The following GRIP1 variants were observed in gnomAD, a reference collection of about 807,000 sequenced individuals.
GRIP1 encodes the protein glutamate receptor-interacting protein 1.
GRIP1 carries 45 observed loss-of-function variants against 129.9 expected under a neutral mutation model. The ratio of observed to expected loss-of-function variants is 0.35; its 90% CI spans 0.27 to 0.44. The LOEUF is 0.44. GRIP1 is among the 20% of genes least tolerant of loss of function. The pLI is 1.00. For synonymous variants in GRIP1, 530 were observed against 520.8 expected (o/e 1.02, Z -0.24); for missense variants, 1,196 against 1,396.8 (o/e 0.86, Z 2.29).
intron 1 of GRIP1, among the ~76,000 whole-genome samples, chr12:66,950,821 A>T (rs1210759562): frequency 6.6e-6 from 1 of 152,210 alleles, no homozygotes; most frequent in Admixed American, 6.5e-5. Context: ...ATTCATTTCT[A>T]TATATTTGAG....
intron 14 of GRIP1, among the ~76,000 whole-genome samples, chr12:66,424,977 G>A (rs1035215546): frequency 2.6e-5 from 4 of 151,788 alleles, no homozygotes; most frequent in African/African-American, 9.7e-5. Flanking sequence ...TAGATCCCTT[G>A]TATCCTGAAC....
In GRIP1 at chr12:66,856,992, G is replaced by A. The variant is rs1159855124; in HGVS notation, c.58+212058C>T. Among the ~76,000 whole-genome samples the A allele has an allele frequency of 3.3e-5, 5 of 152,212 alleles. No homozygotes were observed. In the East Asian group the frequency reaches 9.7e-4, roughly 29 times the overall value. On this transcript the variant is annotated intron_variant, in intron 1 of 1. Coordinates refer to the GRIP1 transcript ENST00000643019. ...CCAACCCAAATGTCCAACAATGATA[G>A]ACTGGATTAAGAAAATGTGACACAT...
At chr12:66,537,617 A>T (rs1226956691) in intron 4 of GRIP1, among the ~76,000 whole-genome samples, 1 of 152,120 alleles carries the variant, frequency 6.6e-6, no homozygotes, top group Non-Finnish European at 1.5e-5. Flanking sequence ...AAAACATACT[A>T]AATATGCTTT....
chr12:66,839,190 G>A (rs1458786409), intron 1 of GRIP1, among the ~76,000 whole-genome samples: 1 of 152,034 alleles, frequency 6.6e-6, no homozygotes, highest in African/African-American at 2.4e-5. Context: ...TGCATTTATT[G>A]AACAGAAAAA....
intron 1 of GRIP1, among the ~76,000 whole-genome samples, chr12:66,692,781 G>A (rs550290277): frequency 6.6e-6 from 1 of 152,254 alleles, no homozygotes; most frequent in South Asian, 2.1e-4. Flanking sequence ...ATAAGAGTGT[G>A]GGCTCTGGGA....
At chr12:66,745,413 T>C (rs1285270977) in intron 1 of GRIP1, among the ~76,000 whole-genome samples, 1 of 152,182 alleles carries the variant, frequency 6.6e-6, no homozygotes, top group African/African-American at 2.4e-5. Flanking sequence ...TTAATAAATG[T>C]AGTCATTCAT....
intron 1 of GRIP1, among the ~76,000 whole-genome samples, chr12:66,720,993 T>C (rs1027661173): frequency 3.3e-5 from 5 of 152,188 alleles, no homozygotes; most frequent in African/African-American, 4.8e-5. Context: ...GGAATCACTA[T>C]TGATGGCAGC....
At chr12:66,843,459 G>T (rs150107075) in intron 1 of GRIP1, among the ~76,000 whole-genome samples, 5,528 of 152,074 alleles carry the variant, frequency 0.036, 138 homozygotes, top group Non-Finnish European at 0.052. Flanking sequence ...GTCAAATTCT[G>T]CAGAAAGCAC....
At chr12:66,901,210 T>C (rs1483512960) in intron 1 of GRIP1, among the ~76,000 whole-genome samples, 5 of 152,176 alleles carry the variant, frequency 3.3e-5, no homozygotes. Flanking sequence ...AAACCATCCA[T>C]TAGAGGGGGA....
At chr12:66,914,502 C>T (rs1304548917) in intron 1 of GRIP1, among the ~76,000 whole-genome samples, 1 of 152,182 alleles carries the variant, frequency 6.6e-6, no homozygotes, top group Non-Finnish European at 1.5e-5. Context: ...ATTAGCACAT[C>T]AGTAATGACT....
At chr12:66,541,215 C>T (rs1017771892) in intron 3 of GRIP1, among the ~76,000 whole-genome samples, 11 of 152,184 alleles carry the variant, frequency 7.2e-5, no homozygotes, top group African/African-American at 9.7e-5. Flanking sequence ...CCAGGACATT[C>T]TGCCTTTGGC....
chr12:66,962,504 G>A (rs931842922), intron 1 of GRIP1, among the ~76,000 whole-genome samples: 1 of 152,040 alleles, frequency 6.6e-6, no homozygotes, highest in Non-Finnish European at 1.5e-5. Flanking sequence ...ACTAAAAAGC[G>A]AAAGTGGCCT....
intron 1 of GRIP1, among the ~76,000 whole-genome samples, chr12:66,935,574 T>A (rs1028224185): frequency 1.3e-5 from 2 of 152,152 alleles, no homozygotes; most frequent in Non-Finnish European, 2.9e-5. Context: ...TCATGGCCAT[T>A]GATAAAAGAA....
intron 2 of GRIP1, 34 bp downstream of exon 2, chr12:66,596,812 TA>T: frequency 1.6e-6 from 2 of 1,288,390 alleles, no homozygotes; most frequent in Non-Finnish European, 2.3e-6. Flanking sequence ...GATTCAAAAG[TA>T]AAACAGCTGA....
At chr12:66,907,932 G>C (rs1028891168) in intron 1 of GRIP1, among the ~76,000 whole-genome samples, 3 of 152,120 alleles carry the variant, frequency 2.0e-5, no homozygotes, top group Non-Finnish European at 2.9e-5. Context: ...GACAAGAACA[G>C]TGTTGGATTG....
chr12:67,026,084 A>G (rs2042938365), intron 1 of GRIP1, among the ~76,000 whole-genome samples: 1 of 151,772 alleles, frequency 6.6e-6, no homozygotes, highest in Non-Finnish European at 1.5e-5. Flanking sequence ...ACTCTTGTCT[A>G]CTCCCTGAAT....
intron 13 of GRIP1, among the ~76,000 whole-genome samples, chr12:66,435,720 A>G (rs1322659206): frequency 1.3e-5 from 2 of 152,186 alleles, no homozygotes; most frequent in African/African-American, 4.8e-5. Context: ...TAAATTTTTA[A>G]TCCAGGGAAA....
At chr12:66,547,294 A>AG (rs1555204671) in intron 2 of GRIP1, among the ~76,000 whole-genome samples, 1 of 79,732 alleles carries the variant, frequency 1.3e-5, no homozygotes, top group Non-Finnish European at 2.4e-5. Context: ...GTGAGGATGC[A>AG]GAAAATTAGA....
chr12:66,652,759 T>A (rs556695455), intron 1 of GRIP1, among the ~76,000 whole-genome samples: 5 of 152,218 alleles, frequency 3.3e-5, no homozygotes, highest in Non-Finnish European at 7.3e-5. Flanking sequence ...TGACCAAAGC[T>A]GATTTCAATA....
Sources: allele counts gnomAD v4.1 joint callset (sites outside exome capture counted in the v4.1 genomes callset), GRCh38; gene constraint gnomAD v4.1.1; transcripts MANE v1.5; gene names NCBI Gene and HGNC (gene_info 2026-07-23, HGNC 2026-07-21).